KLHL29: variants seen among roughly 807,000 people sequenced by gnomAD.
The protein encoded by KLHL29 is kelch like family member 29, also known as kelch-like protein 29.
A neutral mutation model predicts 80.4 loss-of-function variants in KLHL29; 21 were observed. The observed-to-expected ratio is 0.26, with a 90% CI of 0.19 to 0.38. The LOEUF is 0.38. Among genes scored for constraint, KLHL29 ranks in the 10% least tolerant of loss-of-function variants. KLHL29 has a pLI of 1.00. For synonymous variants in KLHL29, 511 were observed against 526.8 expected, an observed-to-expected ratio of 0.97 and a Z score of 0.41; for missense variants, 867 against 1,223.9, an observed-to-expected ratio of 0.71 and a Z score of 4.35.
intron 5 of KLHL29, among the ~76,000 whole-genome samples, chr2:23,679,452 G>C (rs1671014453): frequency 6.6e-6 from 1 of 152,192 alleles, no homozygotes; most frequent in Admixed American, 6.5e-5. Flanking sequence ...AGTGAGCAAA[G>C]CTTCTTAAGG....
chr2:23,573,734 G>A (rs913712562), intron 3 of KLHL29, among the ~76,000 whole-genome samples: 1 of 152,188 alleles, frequency 6.6e-6, no homozygotes, highest in Non-Finnish European at 1.5e-5. Flanking sequence ...CTGATCAGGC[G>A]ACCGTTTTTC....
At chr2:23,389,564 G>A (rs1186457719) in intron 1 of KLHL29, among the ~76,000 whole-genome samples, 5 of 152,156 alleles carry the variant, frequency 3.3e-5, no homozygotes, top group African/African-American at 9.7e-5. Flanking sequence ...CAGTTACTGT[G>A]TAAGAGGACT....
chr2:23,558,574 G>A (rs940706366), intron 2 of KLHL29, among the ~76,000 whole-genome samples: 5 of 152,010 alleles, frequency 3.3e-5, no homozygotes, highest in East Asian at 1.9e-4. Context: ...GCTAATTTTC[G>A]TATTTTTTTG....
chr2:23,634,059 G>A (rs1459554625), intron 3 of KLHL29, among the ~76,000 whole-genome samples: 1 of 152,136 alleles, frequency 6.6e-6, no homozygotes, highest in South Asian at 2.1e-4. Flanking sequence ...CGGCTCCCTG[G>A]TGTAGGTGTC....
At chr2:23,451,378 CTGTT>C (rs1205757413) in intron 1 of KLHL29, among the ~76,000 whole-genome samples, 2 of 152,208 alleles carry the variant, frequency 1.3e-5, no homozygotes, top group Non-Finnish European at 2.9e-5. Context: ...CTTTCTAGCT[CTGTT>C]TGGGGAGCCT....
intron 2 of KLHL29, among the ~76,000 whole-genome samples, chr2:23,487,678 C>A (rs769941377): frequency 1.3e-5 from 2 of 152,170 alleles, no homozygotes; most frequent in Non-Finnish European, 2.9e-5. Flanking sequence ...TGCTAAAAGG[C>A]TGCATTCTTT....
chr2:23,658,090 T>G (rs1670296429), intron 5 of KLHL29, among the ~76,000 whole-genome samples: 1 of 151,728 alleles, frequency 6.6e-6, no homozygotes, highest in African/African-American at 2.4e-5. Context: ...TCCTCCCTCC[T>G]CCCTCTCCTG....
At chr2:23,646,500 C>G (rs1669937164) in intron 5 of KLHL29, among the ~76,000 whole-genome samples, 1 of 152,222 alleles carries the variant, frequency 6.6e-6, no homozygotes, top group African/African-American at 2.4e-5. Context: ...TGCTTCTAGA[C>G]CAGAAAGCAA....
chr2:23,598,351 C>A (rs757083984), intron 3 of KLHL29, among the ~76,000 whole-genome samples: 1 of 152,212 alleles, frequency 6.6e-6, no homozygotes, highest in Admixed American at 6.5e-5. Flanking sequence ...CCACTGACTT[C>A]AGGACAGAGT....
chr2:23,391,427 T>C (rs1205339221), intron 1 of KLHL29, among the ~76,000 whole-genome samples: 1 of 152,180 alleles, frequency 6.6e-6, no homozygotes. Context: ...GCTGCTATTT[T>C]GATGTTTTCT....
chr2:23,432,846 C>A (rs986462412), intron 1 of KLHL29, among the ~76,000 whole-genome samples: 1 of 152,180 alleles, frequency 6.6e-6, no homozygotes, highest in African/African-American at 2.4e-5. Flanking sequence ...CCAGGTCACT[C>A]AGGTTTCCAT....
At chr2:23,530,297 C>T (rs570451432) in intron 2 of KLHL29, among the ~76,000 whole-genome samples, 18 of 152,306 alleles carry the variant, frequency 1.2e-4, no homozygotes, top group South Asian at 8.3e-4. Flanking sequence ...GGCCCTCCCA[C>T]GGCTTGTCCT....
intron 3 of KLHL29, among the ~76,000 whole-genome samples, chr2:23,609,914 C>T (rs1558407419): frequency 6.6e-6 from 1 of 152,166 alleles, no homozygotes; most frequent in Non-Finnish European, 1.5e-5. Flanking sequence ...CCCTGACCCC[C>T]CACTTCTTTC....
intron 3 of KLHL29, among the ~76,000 whole-genome samples, chr2:23,605,403 GC>G (rs1033143734): frequency 6.6e-6 from 1 of 151,910 alleles, no homozygotes; most frequent in African/African-American, 2.4e-5. Flanking sequence ...CCGCCTACCT[GC>G]CCCTTATGGA....
intron 2 of KLHL29, among the ~76,000 whole-genome samples, chr2:23,533,715 G>A (rs1357258453): frequency 6.6e-6 from 1 of 152,126 alleles, no homozygotes. Flanking sequence ...TAAGAATTGG[G>A]GCATTTACGC....
intron 2 of KLHL29, among the ~76,000 whole-genome samples, chr2:23,548,303 G>GCA (rs377087178): frequency 1.3e-4 from 19 of 149,500 alleles, no homozygotes; most frequent in Non-Finnish European, 1.9e-4. Flanking sequence ...ACACACACAG[G>GCA]CACACACACA....
chr2:23,416,065 T>A (rs1270744292), intron 1 of KLHL29, among the ~76,000 whole-genome samples: 2 of 152,100 alleles, frequency 1.3e-5, no homozygotes, highest in African/African-American at 4.8e-5. Context: ...TAGAATCTGT[T>A]CTTGTGCCTG....
chr2:23,468,233 T>C (rs975874519), intron 1 of KLHL29, among the ~76,000 whole-genome samples: 1 of 152,070 alleles, frequency 6.6e-6, no homozygotes, highest in Non-Finnish European at 1.5e-5. Flanking sequence ...GAGATTTAGA[T>C]GCAGCTCCCT....
chr2:23,396,926 C>T (rs905494824), intron 1 of KLHL29, among the ~76,000 whole-genome samples: 2 of 152,170 alleles, frequency 1.3e-5, no homozygotes, highest in African/African-American at 2.4e-5. Flanking sequence ...TCATGGAAAG[C>T]GTGTTTCAGG....
Sources: gnomAD v4.1 joint callset for allele counts (sites outside exome capture counted in the v4.1 genomes callset) on GRCh38, gnomAD v4.1.1 for gene constraint, MANE v1.5 for transcripts, NCBI Gene and HGNC (gene_info 2026-07-23, HGNC 2026-07-21) for gene names.